RIC8B: variants seen among roughly 807,000 people sequenced by gnomAD.
RIC8B encodes the protein RIC8 guanine nucleotide exchange factor B, also known as chaperone Ric-8B.
RIC8B carries 16 observed loss-of-function variants against 57.5 expected under a neutral mutation model. The ratio of observed to expected loss-of-function variants is 0.28; its 90% CI spans 0.19 to 0.42. The LOEUF (loss-of-function observed/expected upper bound fraction) is 0.42, where lower values mean the gene tolerates loss of function less well. Ranked by LOEUF, RIC8B falls within the 10% of genes least tolerant of loss-of-function variation. The pLI is 1.00. For synonymous variants in RIC8B, 216 were observed against 250.8 expected, an observed-to-expected ratio of 0.86 and a Z score of 1.31; for missense variants, 481 against 677.0, an observed-to-expected ratio of 0.71 and a Z score of 3.21.
In RIC8B at chr12:106,870,928, T is replaced by C; in HGVS notation, c.1557T>C (p.Leu519=). The change falls in exon 9 of 10, where the codon CTT becomes CTC. Residue 519 remains leucine (L), a synonymous_variant. Coordinates refer to ENST00000392837, the MANE Select transcript of RIC8B (RefSeq NM_001330145.2). ...EYEAMKLVNM[L]DKLSREELLK... ...AAGCCATGAAACTTGTCAACATGCT[T>C]GATAAACTTTCCAGGTATTGTATTC... 1 of 1,549,630 alleles carries C rather than the reference T, an allele frequency of 6.5e-7. No homozygotes were observed. Among genetic ancestry groups the C allele is most frequent in the Non-Finnish European group, 8.7e-7 (1 of 1,145,654 alleles).
At chr12:106,868,022 C>A (rs1950212944) in intron 8 of RIC8B, among the ~76,000 whole-genome samples, 1 of 152,174 alleles carries the variant, frequency 6.6e-6, no homozygotes, top group Non-Finnish European at 1.5e-5. Context: ...AATTTCAGAG[C>A]AAACCATTAT....
intron 4 of RIC8B, among the ~76,000 whole-genome samples, chr12:106,830,329 G>C (rs1199001001): frequency 6.6e-6 from 1 of 152,148 alleles, no homozygotes; most frequent in African/African-American, 2.4e-5. Context: ...ATAAATGTTT[G>C]AAAATTGATT....
At chr12:106,875,531 T>C (rs1436940575) in intron 9 of RIC8B, among the ~76,000 whole-genome samples, 1 of 152,166 alleles carries the variant, frequency 6.6e-6, no homozygotes, top group Non-Finnish European at 1.5e-5. Flanking sequence ...AAGCTTAAAC[T>C]AACCAAGGGA....
At chr12:106,809,031 C>A (rs1330080820) in intron 2 of RIC8B, among the ~76,000 whole-genome samples, 1 of 151,904 alleles carries the variant, frequency 6.6e-6, no homozygotes, top group Non-Finnish European at 1.5e-5. Context: ...TCTTAGAGGG[C>A]ATTTAGTTTT....
In RIC8B at chr12:106,879,279, T is replaced by C. The variant is rs2136656952; in HGVS notation, c.1572-6625T>C. 1 of 985,406 alleles carries C rather than the reference T, an allele frequency of 1.0e-6. No homozygotes were observed. Among genetic ancestry groups the C allele is most frequent in the Non-Finnish European group, 1.2e-6 (1 of 829,898 alleles). 61.0% of individuals were successfully genotyped at this position (985,406 alleles called of 1,614,324 possible). The stretch of plus-strand genomic sequence containing the variant: ...ACATGTGCTGTGGGCAAGAGTATTC[T>C]CTTGCTTTCAGGTCAAGTAAAGTGT... On this transcript the variant is annotated intron_variant, in intron 9 of 9. Coordinates refer to ENST00000392837, the MANE Select transcript of RIC8B (RefSeq NM_001330145.2). The surrounding 1 kb of genome is among the most constrained non-coding windows in gnomAD (Gnocchi z 4.9).
chr12:106,819,657 G>A (rs2045748522), intron 3 of RIC8B, among the ~76,000 whole-genome samples: 2 of 151,048 alleles, frequency 1.3e-5, no homozygotes, highest in Non-Finnish European at 2.9e-5. Flanking sequence ...CTACTTGGGA[G>A]GCTGAGGTGG....
chr12:106,820,979 GC>G (rs1288232232), intron 3 of RIC8B, among the ~76,000 whole-genome samples: 3 of 152,112 alleles, frequency 2.0e-5, no homozygotes, highest in Non-Finnish European at 2.9e-5. Context: ...TTCTCTCTCA[GC>G]CTTTGAAGGT....
rs950277069 is a variant in RIC8B at position 106,888,639 on chromosome 12, G to A, written c.*2624G>A. ...AGCAATAACTATTTCAACAGAACTA[G>A]TTTAAAGAGGTTTTTAAGCAGGGAA... On this transcript the variant is annotated 3_prime_UTR_variant, in exon 10 of 10. Transcript: ENST00000392837. 1 of 152,636 alleles carries A rather than the reference G, an allele frequency of 6.6e-6. No homozygotes were observed. The highest frequency in any genetic ancestry group is 2.4e-5 in the African/African-American group (1 of 41,424). The allele number at this position is 152,636 out of a possible 1,614,324, so 9.5% of individuals were successfully genotyped here.
intron 9 of RIC8B, 130 bp from the exon 10 acceptor site, chr12:106,885,774 C>G: frequency 1.6e-6 from 1 of 610,850 alleles, no homozygotes; most frequent in South Asian, 2.0e-5. Context: ...ACAGAGAAAG[C>G]TCAAGGGAAA....
intron 1 of RIC8B, chr12:106,775,371 G>A: frequency 2.2e-6 from 1 of 456,050 alleles, no homozygotes; most frequent in South Asian, 1.5e-5. Context: ...TATAGATGAG[G>A]AAACCGAGGT....
intron 2 of RIC8B, among the ~76,000 whole-genome samples, chr12:106,799,471 C>G (rs2136223668): frequency 6.6e-6 from 1 of 151,710 alleles, no homozygotes; most frequent in Middle Eastern, 3.4e-3. Flanking sequence ...CCCAAGATTA[C>G]CTAGCCACAG....
intron 2 of RIC8B, among the ~76,000 whole-genome samples, chr12:106,810,466 C>T (rs113184280): frequency 0.014 from 2,183 of 152,212 alleles, 59 homozygotes; most frequent in African/African-American, 0.05. Flanking sequence ...ACTGACAGGA[C>T]GGATGTGCTA....
chr12:106,809,617 G>T (rs1311800682), intron 2 of RIC8B, among the ~76,000 whole-genome samples: 1 of 150,004 alleles, frequency 6.7e-6, no homozygotes, highest in African/African-American at 2.5e-5. Flanking sequence ...AAACTGTAAA[G>T]CACATAAGCA....
At chr12:106,816,612 A>G (rs1204836433) in intron 3 of RIC8B, among the ~76,000 whole-genome samples, 1 of 152,174 alleles carries the variant, frequency 6.6e-6, no homozygotes, top group East Asian at 1.9e-4. Context: ...TGAGACCTTA[A>G]ATTCCAGAGA....
At chr12:106,793,074 T>C (rs2044327644) in intron 2 of RIC8B, among the ~76,000 whole-genome samples, 1 of 152,230 alleles carries the variant, frequency 6.6e-6, no homozygotes, top group Non-Finnish European at 1.5e-5. Context: ...CCTTCCATTC[T>C]GCCCTTCCTC....
At chr12:106,792,729 A>G (rs1446599679) in intron 2 of RIC8B, among the ~76,000 whole-genome samples, 1 of 152,138 alleles carries the variant, frequency 6.6e-6, no homozygotes, top group East Asian at 1.9e-4. Flanking sequence ...GCTTGAGTCT[A>G]GGAATCTGAC....
intron 7 of RIC8B, among the ~76,000 whole-genome samples, chr12:106,856,246 C>T (rs1038422909): frequency 6.6e-6 from 1 of 152,156 alleles, no homozygotes; most frequent in Non-Finnish European, 1.5e-5. Context: ...TTCTCTTCCA[C>T]GTGGTTAACA....
intron 6 of RIC8B, among the ~76,000 whole-genome samples, chr12:106,845,717 C>T (rs1949157612): frequency 6.6e-6 from 1 of 152,180 alleles, no homozygotes; most frequent in South Asian, 2.1e-4. Context: ...CTATGCTCCT[C>T]TTTATGCAGT....
intron 4 of RIC8B, among the ~76,000 whole-genome samples, chr12:106,826,848 G>A (rs1196436322): frequency 6.6e-6 from 1 of 152,178 alleles, no homozygotes; most frequent in African/African-American, 2.4e-5. Context: ...AGCACTTTGG[G>A]AGGCTGAGGC....
Sources: gnomAD v4.1 joint callset for allele counts (sites outside exome capture counted in the v4.1 genomes callset) on GRCh38, gnomAD v4.1.1 for gene constraint, Gnocchi (gnomAD v3.1) non-coding constraint, MANE v1.5 for transcripts, NCBI Gene and HGNC (gene_info 2026-07-23, HGNC 2026-07-21) for gene names.